Variants in RBM26 observed in about 807,000 individuals in gnomAD.
The protein encoded by RBM26 is RNA binding motif protein 26.
A neutral mutation model predicts 123.6 loss-of-function variants in RBM26; 30 were observed. That is an observed-to-expected ratio of 0.24 (90% CI 0.18 to 0.33). RBM26 has a LOEUF of 0.33. Among genes scored for constraint, RBM26 ranks in the 10% least tolerant of loss-of-function variants. RBM26 has a pLI of 1.00. For missense variants in RBM26, 947 were observed against 1,203.6 expected (o/e 0.79, Z 3.15); for synonymous variants, 400 against 404.4 (o/e 0.99, Z 0.13).
chr13:79,393,625 T>A (rs1161395099), intron 1 of RBM26, among the ~76,000 whole-genome samples: 5 of 152,154 alleles, frequency 3.3e-5, no homozygotes, highest in Admixed American at 3.3e-4. Flanking sequence ...CATACAGTTT[T>A]CTTCTCCCAT....
intron 20 of RBM26, among the ~76,000 whole-genome samples, chr13:79,322,909 A>G (rs2067852225): frequency 6.6e-6 from 1 of 151,404 alleles, no homozygotes; most frequent in African/African-American, 2.4e-5. Context: ...ATTACTGTTC[A>G]TTTACAAATG....
intron 1 of RBM26, among the ~76,000 whole-genome samples, chr13:79,395,309 C>A (rs911756606): frequency 1.3e-5 from 2 of 152,076 alleles, no homozygotes; most frequent in Non-Finnish European, 2.9e-5. Flanking sequence ...AAAATGTGGA[C>A]AACATGCATG....
At chr13:79,372,731 T>C (rs1393834378) in intron 3 of RBM26, among the ~76,000 whole-genome samples, 1 of 114,650 alleles carries the variant, frequency 8.7e-6, no homozygotes, top group African/African-American at 5.2e-5. Flanking sequence ...ATATTATATA[T>C]ATTTATGTAT....
rs2067451667 is a variant in RBM26, at chr13:79,319,496, AG to A, written c.*1124del. ...ACATCAAAGATTTTTATACAAGTAT[AG>A]GAAGTACACACTTAAAATATCAGAC... On this transcript the variant is annotated 3_prime_UTR_variant, in exon 22 of 22. Coordinates refer to ENST00000438737, the MANE Select transcript of RBM26 (RefSeq NM_001366735.2). 1.0e-6 allele frequency: 1 copy of A among 984,344 alleles called. No individual in the cohort carries two copies. The highest frequency in any genetic ancestry group is 1.2e-6 in the Non-Finnish European group (1 of 829,128). The allele number at this position is 984,344 out of a possible 1,614,324, so 61.0% of individuals were successfully genotyped here. A position where few individuals can be genotyped will look rare whatever the true frequency, so the allele number is the denominator to read the frequency against.
In RBM26 at chr13:79,319,890, AT is replaced by A; in HGVS notation, c.*730del. ...TCACCATCTGGAATGGTCTATTTTA[AT>A]TTTTTTCTTTTCTTTTTTCTTTTCT... On this transcript the variant is annotated 3_prime_UTR_variant, in exon 22 of 22. Transcript: ENST00000438737. The A allele has an allele frequency of 1.1e-6, 1 of 886,304 alleles. No individual in the cohort carries two copies. The highest frequency in any genetic ancestry group is 1.3e-6 in the Non-Finnish European group (1 of 780,086). The allele number at this position is 886,304 out of a possible 1,614,324, so 54.9% of individuals were successfully genotyped here. A position where few individuals can be genotyped will look rare whatever the true frequency, so the allele number is the denominator to read the frequency against.
rs1316442447 is a variant in RBM26, at chr13:79,319,443, A to T, written c.*1178T>A. 2.0e-6 allele frequency: 2 copies of T among 984,364 alleles called. No individual in the cohort carries two copies. Among genetic ancestry groups the T allele is most frequent in the Non-Finnish European group, 2.4e-6 (2 of 829,192 alleles). 61.0% of individuals were successfully genotyped at this position (984,364 alleles called of 1,614,324 possible). ...TCATGTTCACTTGCAAAAGAAATCC[A>T]CTTAAAAAAATCACAGTATTGTTGC... On this transcript the variant is annotated 3_prime_UTR_variant, in exon 22 of 22. Coordinates refer to ENST00000438737, the MANE Select transcript of RBM26 (RefSeq NM_001366735.2).
rs556484687 is a variant in RBM26, at chr13:79,321,201, T to A, written c.2935-491A>T. Among the ~76,000 whole-genome samples the A allele has an allele frequency of 4.6e-5, 7 of 151,484 alleles. No individual in the cohort carries two copies. The East Asian group carries it at 1.2e-3, about 25-fold the overall frequency. ...TTTCCCCATTCCCTTCATAAACACT[T>A]CTCAGACTGCTATTTCAAACTTTTC... On this transcript the variant is annotated intron_variant, in intron 21 of 21. Transcript: ENST00000438737.
Position 79,320,372 on chromosome 13 carries a change from A to G in RBM26, c.*249T>C. 1 of 1,099,654 alleles carries G rather than the reference A, an allele frequency of 9.1e-7. No individual in the cohort carries two copies. Among genetic ancestry groups the G allele is most frequent in the Non-Finnish European group, 1.1e-6 (1 of 902,514 alleles). The allele number at this position is 1,099,654 out of a possible 1,614,324, so 68.1% of individuals were successfully genotyped here. ...GAATTCTGTGATGTCCAGTAGAAGT[A>G]TGTAATAAAAACATTGCATATGTTT... On this transcript the variant is annotated 3_prime_UTR_variant, in exon 22 of 22. Coordinates refer to ENST00000438737, the MANE Select transcript of RBM26 (RefSeq NM_001366735.2).
chr13:79,399,529 T>C (rs1335674286), intron 1 of RBM26, among the ~76,000 whole-genome samples: 2 of 151,998 alleles, frequency 1.3e-5, no homozygotes. Flanking sequence ...TAGAAAGATA[T>C]AAATGGAAAA....
In RBM26 at chr13:79,319,375, A is replaced by T. The variant is rs976790098; in HGVS notation, c.*1246T>A. 1.0e-6 allele frequency: 1 copy of T among 984,414 alleles called. No individual in the cohort carries two copies. The highest frequency in any genetic ancestry group is 1.2e-6 in the Non-Finnish European group (1 of 829,204). The allele number at this position is 984,414 out of a possible 1,614,324, so 61.0% of individuals were successfully genotyped here. ...AATCTCCCACCCCCATTCTACAAAGAATGCATTTATTTCCTGGAAACTGCC... is the reference window on the plus strand; with the variant it reads ...AATCTCCCACCCCCATTCTACAAAGTATGCATTTATTTCCTGGAAACTGCC... On this transcript the variant is annotated 3_prime_UTR_variant, in exon 22 of 22. Coordinates refer to ENST00000438737, the MANE Select transcript of RBM26 (RefSeq NM_001366735.2).
chr13:79,323,330 A>G (rs1026019273), intron 20 of RBM26, among the ~76,000 whole-genome samples: 1 of 151,630 alleles, frequency 6.6e-6, no homozygotes, highest in Non-Finnish European at 1.5e-5. Flanking sequence ...ATTCAATGAT[A>G]TTTGACATAA....
chr13:79,329,000 A>G (rs562442809), intron 20 of RBM26, among the ~76,000 whole-genome samples: 1 of 152,208 alleles, frequency 6.6e-6, no homozygotes, highest in Middle Eastern at 3.4e-3. Context: ...AGTGTAGGGA[A>G]AAAGCATTCT....
intron 14 of RBM26, among the ~76,000 whole-genome samples, chr13:79,352,567 A>G (rs534389375): frequency 1.3e-5 from 2 of 152,182 alleles, no homozygotes; most frequent in Admixed American, 1.3e-4. Context: ...AAAAGAAATG[A>G]CTATATGTAT....
intron 2 of RBM26, among the ~76,000 whole-genome samples, chr13:79,377,922 C>T (rs866131889): frequency 4.0e-5 from 2 of 50,620 alleles, no homozygotes; most frequent in South Asian, 9.8e-4. Flanking sequence ...AGCAAGACTC[C>T]GTCTCAAAAA....
chr13:79,365,404 C>T (rs7319212), intron 9 of RBM26, among the ~76,000 whole-genome samples, 174 bp downstream of exon 9: 73,177 of 152,004 alleles, frequency 0.48, 18,161 homozygotes, highest in East Asian at 0.72. Flanking sequence ...GATCACGCTA[C>T]TGCACTCCAG....
At chr13:79,322,996 C>A (rs2067868458) in intron 20 of RBM26, among the ~76,000 whole-genome samples, 1 of 151,294 alleles carries the variant, frequency 6.6e-6, no homozygotes, top group Non-Finnish European at 1.5e-5. Context: ...AAATGACCAA[C>A]TACCATAAAA....
downstream of RBM26, chr13:79,313,928 G>C (rs2066975832): frequency 6.6e-6 from 1 of 150,700 alleles, no homozygotes; most frequent in Non-Finnish European, 1.5e-5. Flanking sequence ...ATAAAACAAG[G>C]GTGAATAAAA....
intron 8 of RBM26, 31 bp from the exon 9 acceptor site, chr13:79,365,749 A>C (rs2075192742): frequency 6.3e-7 from 1 of 1,595,136 alleles, no homozygotes; most frequent in Non-Finnish European, 8.5e-7. Flanking sequence ...ATTAAAAAAC[A>C]ATTATAAAAC....
chr13:79,355,575 A>G (rs1297748054), intron 11 of RBM26, among the ~76,000 whole-genome samples, 191 bp from the exon 12 acceptor site: 2 of 152,222 alleles, frequency 1.3e-5, no homozygotes, highest in African/African-American at 4.8e-5. Flanking sequence ...TGTTCACAGC[A>G]TAAAAAGAGT....
Sources: gnomAD v4.1 joint callset for allele counts (sites outside exome capture counted in the v4.1 genomes callset) on GRCh38, gnomAD v4.1.1 for gene constraint, MANE v1.5 for transcripts, NCBI Gene and HGNC (gene_info 2026-07-23, HGNC 2026-07-21) for gene names.